Variants in PLGRKT observed in about 807,000 individuals in gnomAD.
The protein encoded by PLGRKT is plasminogen receptor with a C-terminal lysine.
Under a neutral mutation model 18.5 loss-of-function variants are expected in PLGRKT, and 22 were observed. The ratio of observed to expected loss-of-function variants is 1.19; its 90% confidence interval spans 0.85 to 1.70. PLGRKT has a LOEUF of 1.70. Ranked by LOEUF, PLGRKT falls within the 40% of genes most tolerant of loss-of-function variation. The probability of loss-of-function intolerance (pLI) is 0.00; values close to 1 mark genes in which losing one functional copy is unlikely to be tolerated. For missense variants in PLGRKT, 235 were observed against 174.4 expected (o/e 1.35, Z -1.96); for synonymous variants, 72 against 52.8 (o/e 1.36, Z -1.58).
Position 5,410,323 on chromosome 9 carries a change from G to C in PLGRKT, c.81+21574C>G, listed in dbSNP as rs1421654311. 4.6e-5 allele frequency among the ~76,000 whole-genome samples: 7 copies of C among 152,162 alleles called. No homozygotes were observed. The South Asian group carries it at 8.3e-4, about 18-fold the overall frequency. On this transcript the variant is annotated intron_variant, in intron 3 of 5. Coordinates refer to ENST00000223864, the MANE Select transcript of PLGRKT (RefSeq NM_018465.4). The stretch of plus-strand genomic sequence containing the variant: ...GGCTGAGTCAAGTGGATCACTTGAG[G>C]TCAGGAGTTTAAGACCAGCCTAGGC...
chr9:5,405,274 A>G (rs191929488), intron 3 of PLGRKT, among the ~76,000 whole-genome samples: 2 of 152,344 alleles, frequency 1.3e-5, no homozygotes, highest in African/African-American at 4.8e-5. Context: ...ATTCATATGG[A>G]ACCAAAAAAG....
At chr9:5,359,198 G>T (rs1817206628) in intron 5 of PLGRKT, among the ~76,000 whole-genome samples, 1 of 152,006 alleles carries the variant, frequency 6.6e-6, no homozygotes, top group Non-Finnish European at 1.5e-5. Flanking sequence ...GAGTAGCTGG[G>T]ACTACAGGTG....
intron 3 of PLGRKT, among the ~76,000 whole-genome samples, chr9:5,411,949 T>G (rs990831296): frequency 6.6e-6 from 1 of 152,242 alleles, no homozygotes; most frequent in African/African-American, 2.4e-5. Context: ...TACTTGGGCA[T>G]GTTGATACCA....
At chr9:5,390,346 T>C (rs1817925841) in intron 3 of PLGRKT, among the ~76,000 whole-genome samples, 1 of 151,616 alleles carries the variant, frequency 6.6e-6, no homozygotes, top group Non-Finnish European at 1.5e-5. Context: ...TCAGAATTTA[T>C]CAAGGTAGCC....
At chr9:5,393,245 T>C (rs1342269312) in intron 3 of PLGRKT, among the ~76,000 whole-genome samples, 4 of 151,952 alleles carry the variant, frequency 2.6e-5, no homozygotes, top group African/African-American at 9.7e-5. Context: ...ATAAACATCC[T>C]TTTTTGTTCC....
intron 3 of PLGRKT, chr9:5,381,969 C>A: frequency 1.0e-6 from 1 of 985,240 alleles, no homozygotes; most frequent in Non-Finnish European, 1.2e-6. Flanking sequence ...CTCTCAAGCA[C>A]AAGGCACTCC....
intron 3 of PLGRKT, among the ~76,000 whole-genome samples, chr9:5,402,797 A>C (rs1563780830): frequency 6.6e-6 from 1 of 152,008 alleles, no homozygotes; most frequent in Non-Finnish European, 1.5e-5. Flanking sequence ...AAAGTGTAAA[A>C]GTAGGACAGC....
intron 3 of PLGRKT, among the ~76,000 whole-genome samples, chr9:5,380,891 G>C (rs866563904): frequency 2.0e-5 from 3 of 152,326 alleles, no homozygotes; most frequent in Middle Eastern, 3.4e-3. Context: ...GCTGGTAGGA[G>C]GTGATTGGAT....
intron 3 of PLGRKT, among the ~76,000 whole-genome samples, chr9:5,419,797 G>A (rs1818539217): frequency 1.3e-5 from 2 of 152,206 alleles, no homozygotes; most frequent in Non-Finnish European, 2.9e-5. Flanking sequence ...TGTGGCCATG[G>A]TGGAAAAGAG....
intron 3 of PLGRKT, among the ~76,000 whole-genome samples, chr9:5,416,745 T>G (rs1236878088): frequency 6.6e-6 from 1 of 152,224 alleles, no homozygotes; most frequent in African/African-American, 2.4e-5. Context: ...GAGAAGTGTC[T>G]GTCCTGGACC....
intron 3 of PLGRKT, among the ~76,000 whole-genome samples, chr9:5,424,158 AATAT>A (rs896982372): frequency 1.4e-5 from 2 of 139,776 alleles, no homozygotes; most frequent in African/African-American, 5.2e-5. Context: ...TACATGTAAT[AATAT>A]ATATTATATA....
At chr9:5,431,391 G>A (rs1300792502) in intron 3 of PLGRKT, among the ~76,000 whole-genome samples, 4 of 151,926 alleles carry the variant, frequency 2.6e-5, no homozygotes, top group South Asian at 2.1e-4. Context: ...AAAATTAGCC[G>A]GGAGTGGTGG....
chr9:5,426,319 G>A (rs911911162), intron 3 of PLGRKT, among the ~76,000 whole-genome samples: 4 of 152,130 alleles, frequency 2.6e-5, no homozygotes, highest in Admixed American at 2.0e-4. Flanking sequence ...AATATACTCT[G>A]TGGTATATAT....
At chr9:5,374,675 C>T (rs1817593981) in intron 3 of PLGRKT, among the ~76,000 whole-genome samples, 1 of 152,144 alleles carries the variant, frequency 6.6e-6, no homozygotes, top group African/African-American at 2.4e-5. Flanking sequence ...ATTTCCAATG[C>T]TAAATAATTT....
intron 3 of PLGRKT, among the ~76,000 whole-genome samples, chr9:5,387,186 G>C (rs1817860005): frequency 6.6e-6 from 1 of 151,918 alleles, no homozygotes; most frequent in Non-Finnish European, 1.5e-5. Flanking sequence ...TAGAGTACAG[G>C]AGTATAGGGT....
At chr9:5,407,995 G>T (rs545399053) in intron 3 of PLGRKT, among the ~76,000 whole-genome samples, 5 of 152,256 alleles carry the variant, frequency 3.3e-5, no homozygotes, top group African/African-American at 7.2e-5. Flanking sequence ...CAACTCTATT[G>T]TAAGTCCAGG....
chr9:5,398,156 G>C (rs1191455256), intron 3 of PLGRKT, among the ~76,000 whole-genome samples: 1 of 151,808 alleles, frequency 6.6e-6, no homozygotes, highest in East Asian at 1.9e-4. Context: ...GTGACTCTGG[G>C]AAAGCTGATA....
intron 3 of PLGRKT, among the ~76,000 whole-genome samples, chr9:5,420,266 T>C (rs11790878): frequency 0.28 from 42,012 of 152,140 alleles, 6,762 homozygotes; most frequent in East Asian, 0.51. Context: ...TGGAAGTGAC[T>C]GGTTAACAAT....
intron 2 of PLGRKT, among the ~76,000 whole-genome samples, chr9:5,434,680 G>C (rs576589031): frequency 6.7e-6 from 1 of 148,638 alleles, no homozygotes; most frequent in African/African-American, 2.5e-5. Context: ...CCGCCACCCC[G>C]TCTGGGAAGT....
Sources: allele counts gnomAD v4.1 joint callset (sites outside exome capture counted in the v4.1 genomes callset), GRCh38; gene constraint gnomAD v4.1.1; transcripts MANE v1.5; gene names NCBI Gene and HGNC (gene_info 2026-07-23, HGNC 2026-07-21).